GRIN2B: variants seen among roughly 807,000 people sequenced by gnomAD.
GRIN2B encodes glutamate ionotropic receptor NMDA type subunit 2B, also known as glutamate receptor ionotropic, NMDA 2B.
GRIN2B carries 5 observed loss-of-function variants against 114.5 expected under a neutral mutation model. That is an observed-to-expected ratio of 0.04 (90% confidence interval 0.02 to 0.09). The LOEUF (loss-of-function observed/expected upper bound fraction) is 0.09, where lower values mean the gene tolerates loss of function less well. GRIN2B is among the 10% of genes least tolerant of loss of function. The probability of loss-of-function intolerance (pLI) is 1.00; values close to 1 mark genes in which losing one functional copy is unlikely to be tolerated. For synonymous variants in GRIN2B, 787 were observed against 745.1 expected, an observed-to-expected ratio of 1.06 and a Z score of -0.92; for missense variants, 1,108 against 1,943.5, an observed-to-expected ratio of 0.57 and a Z score of 8.08.
At chr12:13,925,867 A>G (rs953639139) in intron 2 of GRIN2B, among the ~76,000 whole-genome samples, 2 of 152,208 alleles carry the variant, frequency 1.3e-5, no homozygotes, top group East Asian at 3.9e-4. Context: ...ATACAGAGTG[A>G]CGGGCTTTTA....
intron 3 of GRIN2B, among the ~76,000 whole-genome samples, chr12:13,812,464 CTT>C (rs71067728): frequency 6.6e-6 from 1 of 151,282 alleles, no homozygotes; most frequent in Non-Finnish European, 1.5e-5. Flanking sequence ...ATGTATTTAT[CTT>C]TTTTTTTCAT....
chr12:13,607,408 AAATATAT>A (rs1949292449), intron 10 of GRIN2B, among the ~76,000 whole-genome samples: 6 of 56,668 alleles, frequency 1.1e-4, no homozygotes, highest in Non-Finnish European at 1.4e-4. Flanking sequence ...ATAATATATA[AAATATAT>A]AATATATATT....
intron 2 of GRIN2B, among the ~76,000 whole-genome samples, chr12:13,935,109 T>C (rs746847112): frequency 1.3e-5 from 2 of 152,150 alleles, no homozygotes; most frequent in Non-Finnish European, 2.9e-5. Context: ...AATTGGTCCA[T>C]AGATGAGAAA....
intron 2 of GRIN2B, among the ~76,000 whole-genome samples, chr12:13,908,241 A>G (rs1238254663): frequency 6.6e-6 from 1 of 152,122 alleles, no homozygotes; most frequent in African/African-American, 2.4e-5. Context: ...CATATTTGAA[A>G]AAAAAAACAG....
chr12:13,776,540 G>C (rs1428674086), intron 3 of GRIN2B, among the ~76,000 whole-genome samples: 3 of 152,120 alleles, frequency 2.0e-5, no homozygotes, highest in African/African-American at 7.2e-5. Flanking sequence ...GAAAGATATA[G>C]TCCTTGAAAA....
At chr12:13,568,214 A>C (rs10772692) in intron 12 of GRIN2B, among the ~76,000 whole-genome samples, 66,112 of 151,904 alleles carry the variant, frequency 0.44, 16,010 homozygotes, top group Middle Eastern at 0.65. Context: ...AGGAAGTAGG[A>C]GGAAGTAGGA....
intron 2 of GRIN2B, among the ~76,000 whole-genome samples, chr12:13,912,069 A>T (rs1159197195): frequency 6.6e-6 from 1 of 152,084 alleles, no homozygotes; most frequent in Admixed American, 6.6e-5. Flanking sequence ...ACTGCACCTT[A>T]CACAGGGAGG....
At chr12:13,792,302 G>C (rs1032039153) in intron 3 of GRIN2B, among the ~76,000 whole-genome samples, 1 of 152,212 alleles carries the variant, frequency 6.6e-6, no homozygotes, top group African/African-American at 2.4e-5. Context: ...TTACTTAAAG[G>C]AAAGGAAGGA....
intron 3 of GRIN2B, among the ~76,000 whole-genome samples, chr12:13,829,115 C>G (rs1039662609): frequency 1.3e-5 from 2 of 152,158 alleles, no homozygotes; most frequent in Non-Finnish European, 2.9e-5. Context: ...TGTCATTTAA[C>G]CTCGGTTCAA....
intron 11 of GRIN2B, among the ~76,000 whole-genome samples, chr12:13,570,617 A>G (rs145382986): frequency 1.3e-5 from 2 of 152,354 alleles, no homozygotes; most frequent in Non-Finnish European, 2.9e-5. Flanking sequence ...AGATCTCTCA[A>G]ATACATAAAT....
At chr12:13,591,314 C>T (rs567584510) in intron 10 of GRIN2B, among the ~76,000 whole-genome samples, 240 of 152,268 alleles carry the variant, frequency 1.6e-3, no homozygotes, top group Non-Finnish European at 2.5e-3. Context: ...CTAGAAACAG[C>T]GTGGGCTTTG....
intron 2 of GRIN2B, among the ~76,000 whole-genome samples, chr12:13,897,408 T>C (rs974748114): frequency 2.0e-5 from 3 of 152,132 alleles, no homozygotes; most frequent in African/African-American, 7.2e-5. Context: ...GAGAGAAATC[T>C]TACTGTGTGA....
intron 3 of GRIN2B, among the ~76,000 whole-genome samples, chr12:13,828,856 A>C (rs1172700962): frequency 6.6e-6 from 1 of 152,188 alleles, no homozygotes; most frequent in African/African-American, 2.4e-5. Context: ...ATAAACCTTC[A>C]GTGGCTTCAT....
intron 5 of GRIN2B, among the ~76,000 whole-genome samples, chr12:13,622,721 G>T (rs1222772906): frequency 6.6e-6 from 1 of 152,110 alleles, no homozygotes. Context: ...AAGGCAGAAG[G>T]GCAGGAGAGT....
At chr12:13,587,646 C>T (rs1948947517) in intron 10 of GRIN2B, among the ~76,000 whole-genome samples, 1 of 152,178 alleles carries the variant, frequency 6.6e-6, no homozygotes, top group African/African-American at 2.4e-5. Context: ...TGAGCCACCA[C>T]ACCCAGCTGA....
chr12:13,649,456 A>G (rs1297919141), intron 5 of GRIN2B, among the ~76,000 whole-genome samples: 1 of 152,134 alleles, frequency 6.6e-6, no homozygotes, highest in African/African-American at 2.4e-5. Context: ...AAATTAAATC[A>G]TAGTAAAATA....
chr12:13,878,475 T>G (rs957648159), intron 2 of GRIN2B, among the ~76,000 whole-genome samples: 1 of 152,232 alleles, frequency 6.6e-6, no homozygotes, highest in Non-Finnish European at 1.5e-5. Flanking sequence ...TTCTGTGCAC[T>G]GTCCACACCT....
chr12:13,939,131 G>GT (rs1373374644), intron 2 of GRIN2B, among the ~76,000 whole-genome samples: 1 of 152,120 alleles, frequency 6.6e-6, no homozygotes, highest in Non-Finnish European at 1.5e-5. Flanking sequence ...AATCAACTTT[G>GT]TTGATCTTCA....
Position 13,539,248 on chromosome 12 carries a change from A to G in GRIN2B, c.*23535T>C, listed in dbSNP as rs947275971. Reference sequence around the variant, plus strand: ...CTGCTGGCTTCTAGCCAGGGCTGCCATACATGAGCTCACCCAGGCTCCTTG... The same window carrying G: ...CTGCTGGCTTCTAGCCAGGGCTGCCGTACATGAGCTCACCCAGGCTCCTTG... On this transcript the variant is annotated 3_prime_UTR_variant, in exon 14 of 14. Coordinates refer to ENST00000609686, the MANE Select transcript of GRIN2B (RefSeq NM_000834.5). 2 of 152,388 alleles carry G rather than the reference A, an allele frequency of 1.3e-5. No homozygotes were observed. The highest frequency in any genetic ancestry group is 3.9e-4 in the East Asian group (2 of 5,190). The allele number at this position is 152,388 out of a possible 1,614,324, so 9.4% of individuals were successfully genotyped here.
Sources: gnomAD v4.1 joint callset for allele counts (sites outside exome capture counted in the v4.1 genomes callset) on GRCh38, gnomAD v4.1.1 for gene constraint, MANE v1.5 for transcripts, NCBI Gene and HGNC (gene_info 2026-07-23, HGNC 2026-07-21) for gene names.